MYH7: variants seen among roughly 807,000 people sequenced by gnomAD.
MYH7 encodes the protein myosin-7.
MYH7 carries 129 observed loss-of-function variants against 225.4 expected under a neutral mutation model. The ratio of observed to expected loss-of-function variants is 0.57; its 90% CI spans 0.50 to 0.66. The LOEUF (loss-of-function observed/expected upper bound fraction) is 0.66. Ranked by LOEUF, MYH7 falls within the 30% of genes least tolerant of loss-of-function variation. The probability of loss-of-function intolerance (pLI) is 0.00; values close to 1 mark genes in which losing one functional copy is unlikely to be tolerated. For missense variants in MYH7, 1,649 were observed against 2,517.0 expected (o/e 0.66, Z 7.38); for synonymous variants, 971 against 1,007.6 (o/e 0.96, Z 0.69).
At position 23,416,856 on chromosome 14, in the gene MYH7, A is replaced by G; in HGVS notation, c.4644+12T>C. On this transcript the variant is annotated intron_variant, in intron 33 of 39. Transcript: ENST00000355349. ...CAGCTCCCTGCACCCCGTGCCCTGC[A>G]CACACACACACCTCGGCCTCCTCCA... The G allele has an allele frequency of 6.2e-7, 1 of 1,606,372 alleles. No homozygotes were observed. The highest frequency in any genetic ancestry group is 8.5e-7 in the Non-Finnish European group (1 of 1,175,112).
Position 23,414,091 on chromosome 14 carries a change from GTCC to G in MYH7, c.5568_5570del (p.Glu1856del). 2 of 1,612,826 alleles carry G rather than the reference GTCC, an allele frequency of 1.2e-6. No individual in the cohort carries two copies. The highest frequency in any genetic ancestry group is 1.1e-5 in the South Asian group (1 of 91,078). ...CCTGCAGCCGCAGCAGGTTTTTCCTGTCCTCCTCCGTCTGGGGGCCAGAGGGTA... is the reference window on the plus strand; with the variant it reads ...CCTGCAGCCGCAGCAGGTTTTTCCTGTCCTCCGTCTGGGGGCCAGAGGGTA... On this transcript the variant is annotated inframe_deletion, in exon 38 of 40. Transcript: ENST00000355349.
chr14:23,433,621 A>G lies in MYH7; in HGVS notation c.112T>C (p.Phe38Leu), dbSNP rs1893037662. ...AACTCCTGTTTGTCATCAGGCACGA[A>G]GACATCCTTCTTGAGGTCAAAAGGC... is the stretch of plus-strand genomic sequence containing the variant. ...TRPFDLKKDVFVPDDKQEFVK... is the reference protein window; with the variant it reads ...TRPFDLKKDVLVPDDKQEFVK... The change falls in exon 3 of 40, where the codon TTC becomes CTC. Residue 38 changes from phenylalanine to leucine, a missense_variant. By Grantham distance (22) the Phe-to-Leu change is conservative. This residue lies in a region of MYH7 where 91 missense variants were observed against 96.5 expected (regional missense o/e 0.94). Coordinates refer to ENST00000355349, the MANE Select transcript of MYH7 (RefSeq NM_000257.4). The surrounding 1 kb of genome is among the most constrained non-coding windows in gnomAD (Gnocchi z 4.1). 1 of 1,614,116 alleles carries G rather than the reference A, an allele frequency of 6.2e-7. No homozygotes were observed. Among genetic ancestry groups the G allele is most frequent in the Non-Finnish European group, 8.5e-7 (1 of 1,180,046 alleles).
chr14:23,423,523 C>T, intron 24 of MYH7, 24 bp downstream of exon 24: 2 of 1,611,790 alleles, frequency 1.2e-6, no homozygotes, highest in African/African-American at 1.3e-5. Context: ...CATATCTAGG[C>T]CCCACAACTC....
At chr14:23,422,138 G>A in intron 25 of MYH7, 42 bp downstream of exon 25, 1 of 1,611,578 alleles carries the variant, frequency 6.2e-7, no homozygotes, top group Non-Finnish European at 8.5e-7. Flanking sequence ...GTACTGTTAT[G>A]GGCTGGGGAG....
intron 11 of MYH7, among the ~76,000 whole-genome samples, 194 bp downstream of exon 11, chr14:23,430,366 C>G (rs945302185): frequency 6.6e-6 from 1 of 152,180 alleles, no homozygotes; most frequent in Non-Finnish European, 1.5e-5. Context: ...TTTGATAGAA[C>G]ACCAGATACT....
Position 23,415,891 on chromosome 14 carries a change from G to A in MYH7, c.4954-59C>T. ...CCAGCCTCGGTTCCCTTCACTAAAG[G>A]CACCTGTCAGAGGTCCCTGCAGTAA... On this transcript the variant is annotated intron_variant, in intron 34 of 39. Transcript: ENST00000355349. This position sits in a 1 kb window ranked among gnomAD's most constrained non-coding sequence, Gnocchi z 6.3. The A allele has an allele frequency of 6.2e-7, 1 of 1,613,328 alleles. No individual in the cohort carries two copies. Among genetic ancestry groups the A allele is most frequent in the Non-Finnish European group, 8.5e-7 (1 of 1,179,474 alleles).
rs747993770 is a variant in MYH7, at chr14:23,415,790, C to T, written c.4996G>A (p.Asp1666Asn). The T allele has an allele frequency of 8.1e-6, 13 of 1,614,088 alleles. No individual in the cohort carries two copies. The highest frequency in any genetic ancestry group is 1.1e-5 in the Non-Finnish European group (13 of 1,180,054). Residue 1666 changes from aspartate (D) to asparagine (N), a missense_variant, in exon 35 of 40, where the codon GAC (aspartate) becomes AAC (asparagine). Asp to Asn is a conservative substitution (Grantham distance 23). Around this residue, in one of 12 missense-constraint regions of MYH7, gnomAD observed 687 missense variants for 913.8 expected, o/e 0.75. Transcript: ENST00000355349. This position sits in a 1 kb window ranked among gnomAD's most constrained non-coding sequence, Gnocchi z 6.3. ...ACGATGGCGATGTTCTCCTTCAGGT[C>T]GTCGTTGGCACGGACTGCATCGTCC... ...QLDDAVRAND[D>N]LKENIAIVER...
At position 23,425,460 on chromosome 14, in the gene MYH7, CGAGGGAAA is replaced by C. The variant is rs1301301759; in HGVS notation, c.2287-50_2287-43del. ...TGTTGGCCATGACTAGGGAGGGGTA[CGAGGGAAA>C]GAGATGGTGGGGATTACCTTAGGAA... On this transcript the variant is annotated intron_variant, in intron 20 of 39. Transcript: ENST00000355349. The surrounding 1 kb of genome is among the most constrained non-coding windows in gnomAD (Gnocchi z 4.6). The C allele has an allele frequency of 1.9e-6, 3 of 1,613,352 alleles. No individual in the cohort carries two copies. The highest frequency in any genetic ancestry group is 4.5e-5 in the East Asian group (2 of 44,872).
At chr14:23,426,641 A>G in intron 18 of MYH7, 136 bp downstream of exon 18, 1 of 781,480 alleles carries the variant, frequency 1.3e-6, no homozygotes, top group Non-Finnish European at 2.2e-6. Flanking sequence ...GTACCCTGGG[A>G]GGCCTCATGC....
In MYH7 at chr14:23,413,807, C is replaced by T. The variant is rs2138635168; in HGVS notation, c.5742G>A (p.Glu1914=). 1 of 1,614,262 alleles carries T rather than the reference C, an allele frequency of 6.2e-7. No individual in the cohort carries two copies. Among genetic ancestry groups the T allele is most frequent in the Non-Finnish European group, 8.5e-7 (1 of 1,180,048 alleles). ...TGGCCCGCAGCTTGTTGACCTGGGA[C>T]TCGGCGATGTCCGCCCGCTCCTCTG... ...DEAEERADIA[E]SQVNKLRAKS... Residue 1914 remains glutamate, a synonymous_variant, in exon 39 of 40, where the codon GAG becomes GAA. Transcript: ENST00000355349.
chr14:23,430,511 C>A, intron 11 of MYH7, 49 bp downstream of exon 11: 1 of 1,467,972 alleles, frequency 6.8e-7, no homozygotes, highest in South Asian at 1.2e-5. Context: ...CCCTGTTTGC[C>A]CCTCACTGCC....
intron 31 of MYH7, 43 bp downstream of exon 31, chr14:23,417,460 C>A (rs755679891): frequency 5.0e-6 from 8 of 1,612,234 alleles, no homozygotes; most frequent in Non-Finnish European, 6.8e-6. Flanking sequence ...CCCTCATGCC[C>A]CCTTGCCCTG....
intron 39 of MYH7, among the ~76,000 whole-genome samples, 162 bp from the exon 40 acceptor site, chr14:23,413,033 T>C (rs2754150): frequency 6.6e-6 from 1 of 152,110 alleles, no homozygotes; most frequent in South Asian, 2.1e-4. Flanking sequence ...GGGATCGATG[T>C]TCGGGGGGCA....
chr14:23,422,596 TC>T (rs1315758714), intron 24 of MYH7, among the ~76,000 whole-genome samples: 28 of 112,674 alleles, frequency 2.5e-4, no homozygotes, highest in African/African-American at 1.4e-3. Context: ...TCTTTCTTTC[TC>T]TCCTTTCTTT....
chr14:23,421,228 G>A (rs893427322), intron 25 of MYH7, among the ~76,000 whole-genome samples, 180 bp from the exon 26 acceptor site: 1 of 152,222 alleles, frequency 6.6e-6, no homozygotes. Flanking sequence ...AATCCAACAA[G>A]AATGTAATGG....
In MYH7 at chr14:23,417,300, G is replaced by A. The variant is rs190577943; in HGVS notation, c.4372C>T (p.Gln1458Ter). The change falls in exon 32 of 40, where the codon CAG (glutamine) becomes TAG (stop). Residue 1458 changes from glutamine to a stop codon, truncating the protein, a stop_gained. Transcript: ENST00000355349. LOFTEE classifies it high-confidence loss of function. ...TCCGACTGCGACTCCTCATACTTCT[G>A]CTTCCACTCGGCCAGGATCTGCCCG... ...NFDKILAEWK[Q>*]KYEESQSELE... is the part of the protein sequence containing the mutation. 1 of 1,614,038 alleles carries A rather than the reference G, an allele frequency of 6.2e-7. No individual in the cohort carries two copies. The highest frequency in any genetic ancestry group is 1.7e-4 in the Middle Eastern group (1 of 5,976).
rs1892948111 is a variant in MYH7 at position 23,431,668 on chromosome 14, C to CTG, written c.648_649insCA (p.Glu217GlnfsTer48). ...GGGTTGGCCTGGATGATCTGGTCCTCCAGGGTGCCCTGCAGAGGCCAAGAA... is the reference window on the plus strand; with the variant it reads ...GGGTTGGCCTGGATGATCTGGTCCTCTGCAGGGTGCCCTGCAGAGGCCAAGAA... On this transcript the variant is annotated frameshift_variant, in exon 8 of 40. Transcript: ENST00000355349. LOFTEE classifies it high-confidence loss of function. 1 of 1,614,140 alleles carries CTG rather than the reference C, an allele frequency of 6.2e-7. No homozygotes were observed. The highest frequency in any genetic ancestry group is 1.1e-5 in the South Asian group (1 of 91,096).
In MYH7 at chr14:23,427,580, C is replaced by T; in HGVS notation, c.1888+5G>A. 1 of 1,614,006 alleles carries T rather than the reference C, an allele frequency of 6.2e-7. No homozygotes were observed. Among genetic ancestry groups the T allele is most frequent in the East Asian group, 2.2e-5 (1 of 44,890 alleles). On this transcript the variant is annotated splice_donor_5th_base_variant and intron_variant, in intron 16 of 39. Coordinates refer to ENST00000355349, the MANE Select transcript of MYH7 (RefSeq NM_000257.4). ...TCTGTACCGGGAGCCTCAGTCCCTACTTACGCGCATCAGCCCCAGCATAGT... is the reference window on the plus strand; with the variant it reads ...TCTGTACCGGGAGCCTCAGTCCCTATTTACGCGCATCAGCCCCAGCATAGT...
rs730880840 is a variant in MYH7 at position 23,432,639 on chromosome 14, C to T, written c.502G>A (p.Asp168Asn). The T allele has an allele frequency of 6.2e-7, 1 of 1,614,152 alleles. No individual in the cohort carries two copies. The highest frequency in any genetic ancestry group is 8.5e-7 in the Non-Finnish European group (1 of 1,180,024). Residue 168 changes from aspartate to asparagine, a missense_variant and splice_region_variant, in exon 5 of 40, where the codon GAC becomes AAC. Asp to Asn is a conservative substitution (Grantham distance 23). Around this residue, in one of 12 missense-constraint regions of MYH7, gnomAD observed 77 missense variants for 144.0 expected, o/e 0.53. Coordinates refer to ENST00000355349, the MANE Select transcript of MYH7 (RefSeq NM_000257.4). ...SDNAYQYMLT[D>N]RENQSILITG... ...GGAAGACCCTTCCAGGGCCTCTCAC[C>T]TGTCAGCATGTACTGATAGGCGTTG...
Sources: gnomAD v4.1 joint callset for allele counts (sites outside exome capture counted in the v4.1 genomes callset) on GRCh38, gnomAD v4.1.1 for gene constraint, gnomAD v4.1.1 regional missense constraint, Gnocchi (gnomAD v3.1) non-coding constraint, MANE v1.5 for transcripts, NCBI Gene and HGNC (gene_info 2026-07-23, HGNC 2026-07-21) for gene names.